The following SPTB variants were observed in gnomAD, a reference collection of about 807,000 sequenced individuals.
SPTB encodes spectrin beta chain, erythrocytic.
SPTB carries 45 observed loss-of-function variants against 256.2 expected under a neutral mutation model. That is an observed-to-expected ratio of 0.18 (90% CI 0.14 to 0.23). The LOEUF (loss-of-function observed/expected upper bound fraction) is 0.23, where lower values mean the gene tolerates loss of function less well. Among genes scored for constraint, SPTB ranks in the 10% least tolerant of loss-of-function variants. The pLI is 1.00. For missense variants in SPTB, 2,715 were observed against 3,040.4 expected, an observed-to-expected ratio of 0.89 and a Z score of 2.52; for synonymous variants, 1,231 against 1,243.1, an observed-to-expected ratio of 0.99 and a Z score of 0.21.
At chr14:64,791,980 GC>G in intron 14 of SPTB, 124 bp from the exon 15 acceptor site, 1 of 1,318,044 alleles carries the variant, frequency 7.6e-7, no homozygotes. Context: ...TAAACCATTT[GC>G]CCAGGTGAGG....
chr14:64,800,939 C>T, intron 7 of SPTB, 71 bp from the exon 8 acceptor site: 1 of 1,170,454 alleles, frequency 8.5e-7, no homozygotes, highest in South Asian at 1.3e-5. Context: ...AGGGTTTATT[C>T]CCCATTCCTC....
chr14:64,858,809 C>G (rs1296476892), intron 1 of SPTB, among the ~76,000 whole-genome samples: 2 of 152,128 alleles, frequency 1.3e-5, no homozygotes, highest in African/African-American at 4.8e-5. Context: ...TGGGGCTCAG[C>G]CTTCCCTTTC....
chr14:64,754,041 C>T (rs2081988917), intron 32 of SPTB: 9 of 603,914 alleles, frequency 1.5e-5, no homozygotes, highest in Admixed American at 1.1e-4. Flanking sequence ...TGCAGGGTGG[C>T]CCCCTCTCTC....
rs760026396 is a variant in SPTB at position 64,775,221 on chromosome 14, G to A, written c.4746C>T (p.Asp1582=). 6.3e-5 allele frequency: 101 copies of A among 1,613,670 alleles called. 1 individual carries two copies. The highest frequency in any genetic ancestry group is 7.5e-5 in the Non-Finnish European group (89 of 1,180,048). The change falls in exon 23 of 36, where the codon GAC becomes GAT. Residue 1582 remains aspartate (D), a synonymous_variant. Transcript: ENST00000644917. The surrounding 1 kb of genome is among the most constrained non-coding windows in gnomAD (Gnocchi z 5.0). Reference sequence around the variant, plus strand: ...GGTAGTACTGCTGTGCCTCGTTGGCGTCCCTCAGTCGCTGCAGCCTCCCGG... The same window carrying A: ...GGTAGTACTGCTGTGCCTCGTTGGCATCCCTCAGTCGCTGCAGCCTCCCGG... The part of the protein sequence containing the change: ...AAAGRLQRLR[D]ANEAQQYYLD...
chr14:64,827,849 G>A lies in SPTB; in HGVS notation c.-51-4704C>T, dbSNP rs2083397334. ...TCTCAATATGGCTAAGACTGAGCAT[G>A]GGGCTACCAGGACAGCAGAACCAGG... On this transcript the variant is annotated intron_variant, in intron 1 of 35. Transcript: ENST00000644917. This position sits in a 1 kb window ranked among gnomAD's most constrained non-coding sequence, Gnocchi z 4.6. 6.6e-6 allele frequency among the ~76,000 whole-genome samples: 1 copy of A among 152,186 alleles called. No individual in the cohort carries two copies. Among genetic ancestry groups the A allele is most frequent in the Non-Finnish European group, 1.5e-5 (1 of 68,038 alleles).
intron 20 of SPTB, among the ~76,000 whole-genome samples, chr14:64,782,072 TAGG>T (rs1223482444): frequency 6.6e-6 from 1 of 151,862 alleles, no homozygotes; most frequent in African/African-American, 2.4e-5. Flanking sequence ...TGGGGGAGGG[TAGG>T]AGAAGGGAGA....
Position 64,779,684 on chromosome 14 carries a change from G to C in SPTB, c.4473+41C>G. ...CCAGCTACTCTGATGGCAGCTGGTG[G>C]CTCAGCCTCAGGAGGTAGGGAGAAG... On this transcript the variant is annotated intron_variant, in intron 21 of 35. Coordinates refer to ENST00000644917, the MANE Select transcript of SPTB (RefSeq NM_001355436.2). This position sits in a 1 kb window ranked among gnomAD's most constrained non-coding sequence, Gnocchi z 4.2. 1 of 1,612,168 alleles carries C rather than the reference G, an allele frequency of 6.2e-7. No individual in the cohort carries two copies. The highest frequency in any genetic ancestry group is 8.5e-7 in the Non-Finnish European group (1 of 1,178,516).
At chr14:64,800,020 C>G (rs940836537) in intron 8 of SPTB, 86 bp from the exon 9 acceptor site, 5 of 1,508,806 alleles carry the variant, frequency 3.3e-6, no homozygotes, top group Middle Eastern at 1.9e-4. Context: ...CAAGGTGCCA[C>G]GAAATGGGGC....
chr14:64,766,429 A>G (rs2082183636), intron 32 of SPTB: 1 of 1,404,324 alleles, frequency 7.1e-7, no homozygotes. Flanking sequence ...ATGGTGATAT[A>G]TTTATACAAT....
At chr14:64,850,701 A>T (rs552704982) in intron 1 of SPTB, among the ~76,000 whole-genome samples, 10 of 152,284 alleles carry the variant, frequency 6.6e-5, no homozygotes, top group African/African-American at 2.4e-4. Context: ...TCATCGTGAA[A>T]ATGGTGCAGT....
intron 1 of SPTB, among the ~76,000 whole-genome samples, chr14:64,876,041 C>T (rs1307857422): frequency 6.6e-6 from 1 of 152,166 alleles, no homozygotes; most frequent in East Asian, 1.9e-4. Flanking sequence ...AATCATAGTT[C>T]AGCCTCTCTA....
intron 2 of SPTB, among the ~76,000 whole-genome samples, chr14:64,822,342 A>C (rs1269440240): frequency 1.2e-3 from 14 of 11,846 alleles, no homozygotes; most frequent in East Asian, 6.7e-3. Flanking sequence ...GATATTCTCC[A>C]CCCCCACCTT....
chr14:64,872,747 C>A (rs1031959829), intron 1 of SPTB, among the ~76,000 whole-genome samples: 2 of 152,154 alleles, frequency 1.3e-5, no homozygotes, highest in Non-Finnish European at 2.9e-5. Flanking sequence ...TGGGAGGGAC[C>A]CGGTGGGAGG....
chr14:64,841,757 T>TATATATATATATA lies in SPTB; in HGVS notation c.-51-18613_-51-18612insTATATATATATAT. Among the ~76,000 whole-genome samples, 1 of 151,330 alleles carries TATATATATATATA rather than the reference T, an allele frequency of 6.6e-6. No individual in the cohort carries two copies. The highest frequency in any genetic ancestry group is 2.4e-5 in the African/African-American group (1 of 40,926). The stretch of plus-strand genomic sequence containing the variant: ...TGACATCCCATATATATATATATAT[T>TATATATATATATA]TTTTAAGGGTCTTTCTTTAACACAG... On this transcript the variant is annotated intron_variant, in intron 1 of 35. Coordinates refer to ENST00000644917, the MANE Select transcript of SPTB (RefSeq NM_001355436.2). The surrounding 1 kb of genome is among the most constrained non-coding windows in gnomAD (Gnocchi z 4.6).
At chr14:64,781,426 C>T (rs954737650) in intron 20 of SPTB, among the ~76,000 whole-genome samples, 6 of 152,110 alleles carry the variant, frequency 3.9e-5, no homozygotes, top group African/African-American at 9.7e-5. Context: ...ACAGACACTT[C>T]GCAAAAGACA....
At chr14:64,768,001 C>T (rs1396836039) in intron 29 of SPTB, 142 bp from the exon 30 acceptor site, 7 of 875,048 alleles carry the variant, frequency 8.0e-6, no homozygotes, top group Non-Finnish European at 1.3e-5. Context: ...TTGCTGCCTG[C>T]AGCCACCCCA....
Position 64,816,063 on chromosome 14 carries a change from G to A in SPTB, c.148+6884C>T, listed in dbSNP as rs775072618. ...CTCCACAACCTGTTCTCCCTACAGA[G>A]GGTGATCCTTAGTAGTCAGAGCGAG... On this transcript the variant is annotated intron_variant, in intron 2 of 35. Coordinates refer to ENST00000644917, the MANE Select transcript of SPTB (RefSeq NM_001355436.2). The surrounding 1 kb of genome is among the most constrained non-coding windows in gnomAD (Gnocchi z 4.2). 6.6e-6 allele frequency among the ~76,000 whole-genome samples: 1 copy of A among 152,182 alleles called. No individual in the cohort carries two copies. Among genetic ancestry groups the A allele is most frequent in the Non-Finnish European group, 1.5e-5 (1 of 68,028 alleles).
At position 64,779,637 on chromosome 14, in the gene SPTB, C is replaced by A; in HGVS notation, c.4473+88G>T. The A allele has an allele frequency of 6.8e-7, 1 of 1,478,198 alleles. No homozygotes were observed. The allele number at this position is 1,478,198 out of a possible 1,614,324, so 91.6% of individuals were successfully genotyped here. On this transcript the variant is annotated intron_variant, in intron 21 of 35. Coordinates refer to ENST00000644917, the MANE Select transcript of SPTB (RefSeq NM_001355436.2). This position sits in a 1 kb window ranked among gnomAD's most constrained non-coding sequence, Gnocchi z 4.2. ...GGTGAGGTGACCAGTCATCTACTGC[C>A]AAAAATTGCTCTGGGTGGCAGCCAG...
rs148450585 is a variant in SPTB at position 64,787,599 on chromosome 14, G to T, written c.2805-439C>A. On this transcript the variant is annotated intron_variant, in intron 15 of 35. Transcript: ENST00000644917. ...ACCAAGTAAATGCCCAAGGCCACAT[G>T]CAACGTCTCCTAGGGCCTGAAAGAG... is the stretch of plus-strand genomic sequence containing the variant. Among the ~76,000 whole-genome samples, 6 of 152,330 alleles carry T rather than the reference G, an allele frequency of 3.9e-5. No homozygotes were observed. The East Asian group carries it at 1.2e-3, about 29-fold the overall frequency.
Sources: gnomAD v4.1 joint callset for allele counts (sites outside exome capture counted in the v4.1 genomes callset) on GRCh38, gnomAD v4.1.1 for gene constraint, Gnocchi (gnomAD v3.1) non-coding constraint, MANE v1.5 for transcripts, NCBI Gene and HGNC (gene_info 2026-07-23, HGNC 2026-07-21) for gene names.